CHPT1: variants seen among roughly 807,000 people sequenced by gnomAD.
CHPT1 encodes the protein cholinephosphotransferase 1.
A neutral mutation model predicts 47.6 loss-of-function variants in CHPT1; 36 were observed. The observed-to-expected ratio is 0.76, with a 90% CI of 0.58 to 1.00. The LOEUF (loss-of-function observed/expected upper bound fraction) is 1.00, where lower values mean the gene tolerates loss of function less well. Among genes scored for constraint, CHPT1 ranks in the 50% least tolerant of loss-of-function variants. The pLI, the probability that CHPT1 is intolerant of heterozygous loss-of-function variation, is 0.00. For missense variants in CHPT1, 458 were observed against 498.1 expected, an observed-to-expected ratio of 0.92 and a Z score of 0.77; for synonymous variants, 194 against 186.3, an observed-to-expected ratio of 1.04 and a Z score of -0.33.
At position 101,698,130 on chromosome 12, in the gene CHPT1, A is replaced by G; in HGVS notation, c.269A>G (p.Glu90Gly). ...VLISYCPTAT[E>G]EAPYWTYLLC... is the part of the protein sequence containing the mutation. ...ATCTCCTACTGTCCCACGGCCACCG[A>G]AGAGGTAGGGCTGGCCGATCGCCCG... The change falls in exon 1 of 9, where the codon GAA becomes GGA. Residue 90 changes from glutamate (E) to glycine (G), a missense_variant. Glu to Gly is a moderately conservative substitution (Grantham distance 98). Coordinates refer to ENST00000229266, the MANE Select transcript of CHPT1 (RefSeq NM_020244.3). 6.6e-7 allele frequency: 1 copy of G among 1,525,516 alleles called. No individual in the cohort carries two copies. Among genetic ancestry groups the G allele is most frequent in the Admixed American group, 2.0e-5 (1 of 50,396 alleles). The allele number at this position is 1,525,516 out of a possible 1,614,324, so 94.5% of individuals were successfully genotyped here. A position where few individuals can be genotyped will look rare whatever the true frequency, so the allele number is the denominator to read the frequency against.
intron 1 of CHPT1, among the ~76,000 whole-genome samples, chr12:101,705,565 A>T (rs201234184): frequency 0.28 from 16,305 of 58,556 alleles, 2,699 homozygotes; most frequent in East Asian, 0.35. Flanking sequence ...AATTTTCACA[A>T]TGAGAGAGGA....
intron 3 of CHPT1, chr12:101,714,996 G>A (rs12312542): frequency 0.41 from 65,154 of 159,036 alleles, 13,758 homozygotes; most frequent in East Asian, 0.72. Context: ...ATAATGCAGT[G>A]TGGAGTCTAA....
chr12:101,718,565 C>T (rs560969910), intron 4 of CHPT1, among the ~76,000 whole-genome samples: 2 of 151,362 alleles, frequency 1.3e-5, no homozygotes, highest in East Asian at 3.9e-4. Flanking sequence ...GAGGCTGAGG[C>T]AGGAGGGTCA....
chr12:101,706,131 C>A (rs1173989583), intron 1 of CHPT1, among the ~76,000 whole-genome samples: 1 of 151,812 alleles, frequency 6.6e-6, no homozygotes, highest in Non-Finnish European at 1.5e-5. Context: ...GTGGGTGGAT[C>A]TCAAGGTCAG....
At chr12:101,721,299 G>A (rs1489372631) in intron 5 of CHPT1, among the ~76,000 whole-genome samples, 3 of 151,666 alleles carry the variant, frequency 2.0e-5, no homozygotes, top group Non-Finnish European at 4.4e-5. Flanking sequence ...AAAAAAAAAA[G>A]AATGCCTTTT....
At position 101,697,952 on chromosome 12, in the gene CHPT1, G is replaced by A. The variant is rs748482566; in HGVS notation, c.91G>A (p.Glu31Lys). The A allele has an allele frequency of 1.1e-4, 169 of 1,544,008 alleles. No individual in the cohort carries two copies. The highest frequency in any genetic ancestry group is 1.4e-4 in the Non-Finnish European group (166 of 1,155,782). ...CGCGGCGCAGCTGCGGCGACTGGAG[G>A]AGCACCGCTACAGCGCGGCGGGCGT... is the stretch of plus-strand genomic sequence containing the variant. ...LSAAQLRRLE[E>K]HRYSAAGVSL... Residue 31 changes from glutamate to lysine, a missense_variant, in exon 1 of 9, where the codon GAG (glutamate) becomes AAG (lysine). By Grantham distance (56) the Glu-to-Lys change is moderately conservative (BLOSUM62 1). Coordinates refer to ENST00000229266, the MANE Select transcript of CHPT1 (RefSeq NM_020244.3).
intron 5 of CHPT1, among the ~76,000 whole-genome samples, chr12:101,722,212 A>G (rs1402855776): frequency 6.6e-6 from 1 of 152,150 alleles, no homozygotes; most frequent in Non-Finnish European, 1.5e-5. Flanking sequence ...AGATTTAAGA[A>G]TCATAATATA....
chr12:101,710,368 G>GT (rs1951689003), intron 1 of CHPT1, among the ~76,000 whole-genome samples: 1 of 148,762 alleles, frequency 6.7e-6, no homozygotes, highest in Admixed American at 6.8e-5. Context: ...GGAAAGAAAA[G>GT]AAGTGCCCTT....
At chr12:101,707,130 A>G (rs1305527848) in intron 1 of CHPT1, among the ~76,000 whole-genome samples, 1 of 152,184 alleles carries the variant, frequency 6.6e-6, no homozygotes, top group Non-Finnish European at 1.5e-5. Context: ...GTGTCCTTTG[A>G]TTTCTCCCTA....
intron 8 of CHPT1, 104 bp downstream of exon 8, chr12:101,726,508 C>G (rs1441713742): frequency 6.8e-7 from 1 of 1,461,718 alleles, no homozygotes; most frequent in Non-Finnish European, 9.1e-7. Flanking sequence ...GCTAGTATAC[C>G]ATCAATAAGG....
chr12:101,726,581 C>A, intron 8 of CHPT1, 177 bp downstream of exon 8: 1 of 907,458 alleles, frequency 1.1e-6, no homozygotes. Context: ...AGTTATGAAG[C>A]CCCCATTGTA....
chr12:101,728,678 G>GTGTT (rs1463873934), intron 8 of CHPT1: 6 of 507,236 alleles, frequency 1.2e-5, no homozygotes, highest in Non-Finnish European at 1.0e-5. Context: ...TTAATTGACA[G>GTGTT]TGTTAGAGAG....
rs770801766 is a variant in CHPT1, at chr12:101,726,326, T to C, written c.1098T>C (p.Phe366=). ...VISSFDMVIY[F]SALCLQISRH... is the part of the protein sequence containing the mutation. Reference sequence around the variant, plus strand: ...CTTCATTTGATATGGTGATATACTTTAGTGCTTTGTGCCTGCAAATTTCAA... The same window carrying C: ...CTTCATTTGATATGGTGATATACTTCAGTGCTTTGTGCCTGCAAATTTCAA... Residue 366 remains phenylalanine (F), a synonymous_variant, in exon 8 of 9, where the codon TTT becomes TTC. Transcript: ENST00000229266. The C allele has an allele frequency of 5.0e-6, 8 of 1,612,524 alleles. No individual in the cohort carries two copies. In the East Asian group the frequency reaches 1.1e-4, roughly 22 times the overall value.
intron 1 of CHPT1, among the ~76,000 whole-genome samples, chr12:101,709,316 A>ATGAACCCAGGAGTCTG (rs931699376): frequency 6.9e-6 from 1 of 144,050 alleles, no homozygotes; most frequent in African/African-American, 2.5e-5. Flanking sequence ...GGAGGATTGC[A>ATGAACCCAGGAGTCTG]TGAACCCAGG....
rs376509732 is a variant in CHPT1, at chr12:101,697,716, C to G, written c.-146C>G. The G allele has an allele frequency of 7.7e-5, 15 of 195,372 alleles. No homozygotes were observed. Among genetic ancestry groups the G allele is most frequent in the East Asian group, 3.5e-4 (2 of 5,764 alleles). 12.1% of individuals were successfully genotyped at this position (195,372 alleles called of 1,614,324 possible). On this transcript the variant is annotated 5_prime_UTR_variant, in exon 1 of 9. Transcript: ENST00000229266. ...CCGGCAGCCGGGCAGGCCGGCCTGACCTCGACCTCCGCCGTGCGGGCCCGA... is the reference window on the plus strand; with the variant it reads ...CCGGCAGCCGGGCAGGCCGGCCTGAGCTCGACCTCCGCCGTGCGGGCCCGA...
intron 8 of CHPT1, 57 bp from the exon 9 acceptor site, chr12:101,728,839 ACTATT>A: frequency 1.3e-6 from 2 of 1,570,424 alleles, no homozygotes; most frequent in South Asian, 1.1e-5. Context: ...TTACAATTAA[ACTATT>A]CTAAAGACTT....
At chr12:101,720,054 G>A (rs1951826846) in intron 4 of CHPT1, 69 bp from the exon 5 acceptor site, 1 of 1,068,214 alleles carries the variant, frequency 9.4e-7, no homozygotes, top group Non-Finnish European at 1.3e-6. Context: ...TTATCATTAT[G>A]TTTCTTTATT....
At chr12:101,710,779 C>T (rs1951693785) in intron 1 of CHPT1, among the ~76,000 whole-genome samples, 1 of 148,752 alleles carries the variant, frequency 6.7e-6, no homozygotes, top group African/African-American at 2.4e-5. Context: ...TCAATGTTGA[C>T]TTTTAGAGTT....
At chr12:101,722,367 A>G (rs1951863496) in intron 5 of CHPT1, among the ~76,000 whole-genome samples, 1 of 152,200 alleles carries the variant, frequency 6.6e-6, no homozygotes, top group African/African-American at 2.4e-5. Context: ...TTGTGAACCC[A>G]TTTAAATTGG....
Sources: allele counts gnomAD v4.1 joint callset (sites outside exome capture counted in the v4.1 genomes callset), GRCh38; gene constraint gnomAD v4.1.1; transcripts MANE v1.5; gene names NCBI Gene and HGNC (gene_info 2026-07-23, HGNC 2026-07-21).